PSMG2: variants seen among roughly 807,000 people sequenced by gnomAD.
The protein encoded by PSMG2 is CD40 ligand-activated specific transcript 3.
Under a neutral mutation model 31.5 loss-of-function variants are expected in PSMG2, and 21 were observed. The observed-to-expected ratio is 0.67, with a 90% CI of 0.47 to 0.96. The LOEUF (loss-of-function observed/expected upper bound fraction) is 0.96, where lower values mean the gene tolerates loss of function less well. PSMG2 is among the 40% of genes least tolerant of loss of function. The pLI, the probability that PSMG2 is intolerant of heterozygous loss-of-function variation, is 0.00. For synonymous variants in PSMG2, 120 were observed against 110.4 expected, an observed-to-expected ratio of 1.09 and a Z score of -0.54; for missense variants, 318 against 321.2, an observed-to-expected ratio of 0.99 and a Z score of 0.08.
chr18:12,677,374 G>T (rs1479070585), intron 1 of PSMG2, among the ~76,000 whole-genome samples: 2 of 148,246 alleles, frequency 1.3e-5, no homozygotes, highest in Non-Finnish European at 1.5e-5. Context: ...GGAGGTAGAG[G>T]TTGCAGTGAA....
At chr18:12,693,599 A>G (rs1039141260) in intron 1 of PSMG2, among the ~76,000 whole-genome samples, 3 of 152,150 alleles carry the variant, frequency 2.0e-5, no homozygotes, top group Admixed American at 6.6e-5. Context: ...CCTGGCCAAC[A>G]TGGTGAAACC....
intron 5 of PSMG2, among the ~76,000 whole-genome samples, chr18:12,723,068 T>C (rs781563470): frequency 2.6e-5 from 4 of 152,232 alleles, no homozygotes; most frequent in Non-Finnish European, 5.9e-5. Context: ...GTTTCTACTT[T>C]GTAGTTTTTA....
In PSMG2 at chr18:12,691,528, T is replaced by A. The variant is rs528367917; in HGVS notation, c.-36-15022T>A. ...AATATTTTTCAATTTCTATTCATTA[T>A]CTTTAATTACTACAAAATATGTAGC... On this transcript the variant is annotated intron_variant, in intron 1 of 6. Coordinates refer to the PSMG2 transcript ENST00000585331. 25 of 1,448,784 alleles carry A rather than the reference T, an allele frequency of 1.7e-5. No individual in the cohort carries two copies. The South Asian group carries it at 2.9e-4, about 17-fold the overall frequency. The allele number at this position is 1,448,784 out of a possible 1,614,324, so 89.7% of individuals were successfully genotyped here. A position where few individuals can be genotyped will look rare whatever the true frequency, so the allele number is the denominator to read the frequency against.
At chr18:12,705,568 AGAGAGAGAGTGTGTGT>A (rs1302494514) in intron 1 of PSMG2, among the ~76,000 whole-genome samples, 60 of 126,836 alleles carry the variant, frequency 4.7e-4, no homozygotes, top group Non-Finnish European at 9.3e-4. Context: ...AGAGAGAGAG[AGAGAGAGAGTGTGTGT>A]GTGTGTGTGT....
chr18:12,699,783 A>G, upstream of PSMG2: 1 of 1,068,408 alleles, frequency 9.4e-7, no homozygotes, highest in African/African-American at 1.6e-5. Flanking sequence ...ACACCACATC[A>G]ATATTTACTA....
chr18:12,686,597 G>A, intron 1 of PSMG2: 1 of 580,264 alleles, frequency 1.7e-6, no homozygotes, highest in South Asian at 2.1e-5. Context: ...GCAAAGTGCT[G>A]TGTATATAAT....
intron 1 of PSMG2, among the ~76,000 whole-genome samples, chr18:12,705,807 G>A (rs1272162927): frequency 3.3e-5 from 5 of 152,032 alleles, no homozygotes; most frequent in Non-Finnish European, 7.4e-5. Flanking sequence ...GTCACCTAGG[G>A]TGAGTCTTTC....
chr18:12,667,200 C>T (rs1438789269), intron 1 of PSMG2, among the ~76,000 whole-genome samples: 3 of 152,134 alleles, frequency 2.0e-5, no homozygotes, highest in Non-Finnish European at 4.4e-5. Context: ...GTGGCTCACA[C>T]CAGTAATCCC....
rs577688573 is a variant in PSMG2 at position 12,716,940 on chromosome 18, T to C, written c.289-1577T>C. ...AGCCTGGCTCCAGAGCTTGCCTTTT[T>C]TCTTTTACTTTTTTTTTTTTTTTTT... On this transcript the variant is annotated intron_variant, in intron 3 of 6. Coordinates refer to ENST00000317615, the MANE Select transcript of PSMG2 (RefSeq NM_020232.5). 3.2e-3 allele frequency among the ~76,000 whole-genome samples: 471 copies of C among 147,218 alleles called. 3 individuals carry two copies. The highest frequency in any genetic ancestry group is 0.01 in the South Asian group (48 of 4,684).
At chr18:12,691,164 A>T (rs2039746492) in intron 1 of PSMG2, 1 of 408,684 alleles carries the variant, frequency 2.4e-6, no homozygotes, top group South Asian at 9.0e-5. Flanking sequence ...CTGAAATTGA[A>T]AGTAAAATAA....
intron 1 of PSMG2, chr18:12,678,098 G>A: frequency 6.3e-7 from 1 of 1,592,310 alleles, no homozygotes; most frequent in Non-Finnish European, 8.6e-7. Flanking sequence ...AACTATTTCA[G>A]TGTGAATTAC....
intron 3 of PSMG2, among the ~76,000 whole-genome samples, chr18:12,718,103 G>A (rs1028634541): frequency 1.3e-5 from 2 of 150,674 alleles, no homozygotes; most frequent in African/African-American, 4.9e-5. Flanking sequence ...TCACCTCCTG[G>A]GTTCAAGTGA....
chr18:12,687,386 T>A (rs1395930885), intron 1 of PSMG2, among the ~76,000 whole-genome samples: 1 of 152,174 alleles, frequency 6.6e-6, no homozygotes. Context: ...TCATTAATTT[T>A]TATGTTGCAG....
chr18:12,661,601 G>A (rs535673981), intron 1 of PSMG2, among the ~76,000 whole-genome samples: 5 of 151,826 alleles, frequency 3.3e-5, no homozygotes, highest in East Asian at 2.0e-4. Flanking sequence ...GTGAAACCTC[G>A]TCTCTACTAA....
upstream of PSMG2, chr18:12,700,959 G>A (rs1431019213): frequency 5.0e-6 from 8 of 1,611,122 alleles, no homozygotes; most frequent in East Asian, 2.2e-5. Context: ...ATTACTCACA[G>A]TAACAAAATT....
intron 1 of PSMG2, among the ~76,000 whole-genome samples, chr18:12,672,246 C>CT (rs1337757244): frequency 6.6e-6 from 1 of 151,760 alleles, no homozygotes; most frequent in African/African-American, 2.4e-5. Flanking sequence ...TCCTGAGTAG[C>CT]TGGGATTACA....
At chr18:12,715,813 T>C (rs1409464209) in intron 3 of PSMG2, among the ~76,000 whole-genome samples, 1 of 152,206 alleles carries the variant, frequency 6.6e-6, no homozygotes, top group African/African-American at 2.4e-5. Flanking sequence ...GCCATTATTT[T>C]AACTTTTTAT....
At chr18:12,668,796 T>G (rs1019457357) in intron 1 of PSMG2, among the ~76,000 whole-genome samples, 1 of 137,360 alleles carries the variant, frequency 7.3e-6, no homozygotes, top group Non-Finnish European at 1.5e-5. Flanking sequence ...TGGAGTGTAG[T>G]GGAGAGCAAT....
intron 4 of PSMG2, among the ~76,000 whole-genome samples, chr18:12,719,390 T>C (rs1208020122): frequency 1.3e-5 from 2 of 152,194 alleles, no homozygotes; most frequent in Non-Finnish European, 2.9e-5. Flanking sequence ...GATGTAGCTT[T>C]TATTTATTTA....
Sources: allele counts gnomAD v4.1 joint callset (sites outside exome capture counted in the v4.1 genomes callset), GRCh38; gene constraint gnomAD v4.1.1; transcripts MANE v1.5; gene names NCBI Gene and HGNC (gene_info 2026-07-23, HGNC 2026-07-21).